PTK2: variants seen among roughly 807,000 people sequenced by gnomAD.
PTK2 encodes focal adhesion kinase 1.
A neutral mutation model predicts 150.1 loss-of-function variants in PTK2; 45 were observed. That is an observed-to-expected ratio of 0.30 (90% CI 0.24 to 0.38). The LOEUF (loss-of-function observed/expected upper bound fraction) is 0.38. PTK2 is among the 10% of genes least tolerant of loss of function. The pLI is 1.00. For synonymous variants in PTK2, 432 were observed against 449.2 expected (o/e 0.96, Z 0.48); for missense variants, 919 against 1,307.3 (o/e 0.70, Z 4.58).
intron 27 of PTK2, among the ~76,000 whole-genome samples, chr8:140,682,297 G>A (rs1003045446): frequency 1.3e-5 from 2 of 152,114 alleles, no homozygotes; most frequent in Admixed American, 1.3e-4. Context: ...CACAAGAATC[G>A]CTTGAAACTG....
At chr8:140,698,988 C>T (rs1017447662) in intron 26 of PTK2, among the ~76,000 whole-genome samples, 5 of 140,764 alleles carry the variant, frequency 3.6e-5, no homozygotes, top group African/African-American at 1.1e-4. Flanking sequence ...AGGCTGGTCT[C>T]GAACTCCTGG....
chr8:140,902,422 T>C (rs1457240225), intron 2 of PTK2, among the ~76,000 whole-genome samples: 10 of 152,228 alleles, frequency 6.6e-5, no homozygotes, highest in African/African-American at 1.7e-4. Context: ...GCAATAAACA[T>C]ACATGTGCAT....
intron 8 of PTK2, chr8:140,821,592 G>A (rs1487732704): frequency 6.6e-6 from 1 of 152,292 alleles, no homozygotes; most frequent in African/African-American, 2.4e-5. Flanking sequence ...TAAGTCTGGA[G>A]CTCAGGAGAG....
chr8:140,919,007 G>A (rs1328033870), intron 2 of PTK2, among the ~76,000 whole-genome samples: 2 of 152,142 alleles, frequency 1.3e-5, no homozygotes, highest in Non-Finnish European at 2.9e-5. Flanking sequence ...AACATGAGGG[G>A]AGAGAGAGGA....
chr8:140,950,653 G>A (rs2100179274), intron 1 of PTK2, among the ~76,000 whole-genome samples: 1 of 152,226 alleles, frequency 6.6e-6, no homozygotes, highest in South Asian at 2.1e-4. Flanking sequence ...TCAGGCAGAA[G>A]GTGCCACCAG....
At chr8:140,850,779 G>C (rs1206484451) in intron 5 of PTK2, among the ~76,000 whole-genome samples, 1 of 152,104 alleles carries the variant, frequency 6.6e-6, no homozygotes, top group African/African-American at 2.4e-5. Context: ...TTCTTTCTTT[G>C]TGCAAGTATT....
At chr8:140,890,651 A>G (rs753736390) in exon 3 of PTK2, 1 of 1,614,150 alleles carries the variant, frequency 6.2e-7, no homozygotes, top group Non-Finnish European at 8.5e-7. Context: ...TTGCACCAGG[A>G]GAACGTTCCA....
intron 5 of PTK2, 53 bp from the exon 6 acceptor site, chr8:140,846,731 A>G: frequency 7.9e-7 from 1 of 1,265,274 alleles, no homozygotes; most frequent in Non-Finnish European, 1.1e-6. Flanking sequence ...AAAATATTAG[A>G]TATATGCATT....
exon 32 of PTK2, chr8:140,659,200 A>G: frequency 2.0e-6 from 1 of 491,498 alleles, no homozygotes; most frequent in East Asian, 3.5e-5. Flanking sequence ...AAAAGCTTAC[A>G]TATAATTTTC....
At chr8:140,975,409 A>G (rs2100188908) in intron 1 of PTK2, among the ~76,000 whole-genome samples, 1 of 152,134 alleles carries the variant, frequency 6.6e-6, no homozygotes, top group Non-Finnish European at 1.5e-5. Flanking sequence ...CTATTTCTCC[A>G]CATGTGATAA....
intron 3 of PTK2, among the ~76,000 whole-genome samples, chr8:140,887,454 T>C (rs1014300483): frequency 2.6e-5 from 4 of 152,174 alleles, no homozygotes; most frequent in Non-Finnish European, 5.9e-5. Context: ...TAACATACAA[T>C]TAGCACACAT....
intron 1 of PTK2, among the ~76,000 whole-genome samples, chr8:140,958,158 G>A (rs991322054): frequency 6.6e-5 from 10 of 152,038 alleles, no homozygotes; most frequent in African/African-American, 2.4e-4. Flanking sequence ...TTGTTTTTGA[G>A]ATAGTGTCTC....
intron 10 of PTK2, among the ~76,000 whole-genome samples, chr8:140,810,908 G>GTGC (rs2154601076): frequency 6.6e-6 from 1 of 152,298 alleles, no homozygotes; most frequent in East Asian, 1.9e-4. Flanking sequence ...ACCCAACCCT[G>GTGC]TGCTACCACC....
chr8:140,784,501 T>A (rs73371828), intron 14 of PTK2, among the ~76,000 whole-genome samples: 6,163 of 152,226 alleles, frequency 0.04, 329 homozygotes, highest in African/African-American at 0.12. Context: ...TCAAAATATT[T>A]AAAATACAGC....
At chr8:140,882,528 C>T (rs370716233) in intron 3 of PTK2, among the ~76,000 whole-genome samples, 4 of 152,170 alleles carry the variant, frequency 2.6e-5, no homozygotes, top group East Asian at 1.9e-4. Flanking sequence ...AAACCTGTCT[C>T]TCATAACCCA....
At chr8:140,997,177 T>G (rs1416110896) in intron 1 of PTK2, among the ~76,000 whole-genome samples, 1 of 152,220 alleles carries the variant, frequency 6.6e-6, no homozygotes, top group African/African-American at 2.4e-5. Flanking sequence ...AAGTGGAACC[T>G]GATGATGTGA....
chr8:140,884,762 G>C (rs1355719666), intron 3 of PTK2, among the ~76,000 whole-genome samples: 1 of 152,178 alleles, frequency 6.6e-6, no homozygotes, highest in Non-Finnish European at 1.5e-5. Context: ...TCAGAAGGAT[G>C]ATTTTAAATT....
chr8:140,931,710 G>A (rs995820237), intron 1 of PTK2, among the ~76,000 whole-genome samples: 8 of 152,002 alleles, frequency 5.3e-5, no homozygotes, highest in African/African-American at 1.9e-4. Flanking sequence ...CAAGGCAGGA[G>A]GATCACTTGA....
At chr8:140,879,309 G>C in intron 4 of PTK2, 162 bp downstream of exon 4, 1 of 690,762 alleles carries the variant, frequency 1.4e-6, no homozygotes, top group Non-Finnish European at 2.2e-6. Context: ...TAGAGGTCTA[G>C]AAGAGATCAT....
Sources: allele counts gnomAD v4.1 joint callset (sites outside exome capture counted in the v4.1 genomes callset), GRCh38; gene constraint gnomAD v4.1.1; transcripts MANE v1.5; gene names NCBI Gene and HGNC (gene_info 2026-07-23, HGNC 2026-07-21).